The following CSMD3 variants were observed in gnomAD, a reference collection of about 807,000 sequenced individuals.
CSMD3 encodes the protein CUB and Sushi multiple domains 3.
CSMD3 carries 177 observed loss-of-function variants against 435.2 expected under a neutral mutation model. That is an observed-to-expected ratio of 0.41 (90% CI 0.36 to 0.46). The LOEUF is 0.46. Among genes scored for constraint, CSMD3 ranks in the 20% least tolerant of loss-of-function variants. The pLI is 0.34. For synonymous variants in CSMD3, 1,656 were observed against 1,520.5 expected (o/e 1.09, Z -2.07); for missense variants, 4,265 against 4,504.6 (o/e 0.95, Z 1.52).
rs573982431 is a variant in CSMD3, at chr8:113,354,927, C to A, written c.179-40134G>T. On this transcript the variant is annotated intron_variant, in intron 1 of 70. Transcript: ENST00000297405. Reference sequence around the variant, plus strand: ...ATGCTGGGATTACAGGCATGAGCCACCACGCCCAACCAACAGAGACAAATG... The same window carrying A: ...ATGCTGGGATTACAGGCATGAGCCAACACGCCCAACCAACAGAGACAAATG... Among the ~76,000 whole-genome samples, 3 of 152,292 alleles carry A rather than the reference C, an allele frequency of 2.0e-5. No homozygotes were observed. The South Asian group carries it at 6.2e-4, about 32-fold the overall frequency.
chr8:113,158,866 T>C (rs2091984654), intron 4 of CSMD3, among the ~76,000 whole-genome samples: 1 of 152,032 alleles, frequency 6.6e-6, no homozygotes, highest in Non-Finnish European at 1.5e-5. Context: ...AGTAGCAATC[T>C]TTCTTTTGCA....
intron 32 of CSMD3, among the ~76,000 whole-genome samples, chr8:112,448,318 T>TC (rs776436517): frequency 6.6e-6 from 1 of 152,070 alleles, no homozygotes; most frequent in Non-Finnish European, 1.5e-5. Context: ...AAAGGCCCTA[T>TC]CCCCCAGTTC....
chr8:112,349,231 T>G (rs1825930441), intron 40 of CSMD3, among the ~76,000 whole-genome samples: 1 of 152,072 alleles, frequency 6.6e-6, no homozygotes, highest in African/African-American at 2.4e-5. Context: ...ATTGCACAAA[T>G]TAGACAATGC....
At chr8:113,128,921 A>G (rs1461553810) in intron 4 of CSMD3, among the ~76,000 whole-genome samples, 1 of 152,140 alleles carries the variant, frequency 6.6e-6, no homozygotes, top group African/African-American at 2.4e-5. Flanking sequence ...GTAGTATGAT[A>G]CTTTATCAAA....
chr8:112,526,780 A>G (rs1383580581), intron 27 of CSMD3, among the ~76,000 whole-genome samples: 1 of 151,958 alleles, frequency 6.6e-6, no homozygotes, highest in Non-Finnish European at 1.5e-5. Flanking sequence ...GATGTTTATA[A>G]CATATGTAAA....
intron 3 of CSMD3, among the ~76,000 whole-genome samples, chr8:113,179,966 T>G (rs1486006898): frequency 6.6e-6 from 1 of 151,686 alleles, no homozygotes; most frequent in Non-Finnish European, 1.5e-5. Context: ...ACCTTGAAAA[T>G]GGGAATGAAA....
intron 22 of CSMD3, among the ~76,000 whole-genome samples, chr8:112,617,342 C>T (rs1030924804): frequency 1.5e-4 from 23 of 152,298 alleles, no homozygotes; most frequent in Middle Eastern, 3.4e-3. Flanking sequence ...GTAAAACATG[C>T]ATACTTCTGG....
At position 112,587,068 on chromosome 8, in the gene CSMD3, T is replaced by A; in HGVS notation, c.3883A>T (p.Lys1295Ter). The A allele has an allele frequency of 2.5e-6, 4 of 1,609,168 alleles. No homozygotes were observed. Among genetic ancestry groups the A allele is most frequent in the Non-Finnish European group, 3.4e-6 (4 of 1,176,500 alleles). Residue 1295 changes from lysine (K) to a stop codon, truncating the protein, a stop_gained and splice_region_variant, in exon 23 of 71, where the codon AAG becomes TAG. Coordinates refer to ENST00000297405, the MANE Select transcript of CSMD3 (RefSeq NM_198123.2). LOFTEE classifies it high-confidence loss of function. ...TFHLAQGDVL[K>*]IYDGKDKTTH... ...CAAGTATGTCTGAGTTCACCTACCT[T>A]AAGAACATCTCCTTGTGCTAAATGA...
chr8:112,592,953 T>C (rs1586754453), intron 22 of CSMD3, among the ~76,000 whole-genome samples: 1 of 152,014 alleles, frequency 6.6e-6, no homozygotes, highest in African/African-American at 2.4e-5. Flanking sequence ...AATGAAGAAG[T>C]AGTATATTTT....
chr8:112,329,945 T>G (rs1018284358), intron 45 of CSMD3, among the ~76,000 whole-genome samples: 1 of 151,862 alleles, frequency 6.6e-6, no homozygotes, highest in Non-Finnish European at 1.5e-5. Context: ...CACACATACA[T>G]ACACACACAT....
intron 60 of CSMD3, among the ~76,000 whole-genome samples, chr8:112,264,789 A>G (rs1392353412): frequency 6.6e-6 from 1 of 152,166 alleles, no homozygotes; most frequent in Non-Finnish European, 1.5e-5. Context: ...TCTAATTATT[A>G]TAAAACAATT....
chr8:113,063,318 T>G (rs1426292050), intron 5 of CSMD3, among the ~76,000 whole-genome samples: 1 of 151,918 alleles, frequency 6.6e-6, no homozygotes, highest in Non-Finnish European at 1.5e-5. Context: ...TAACTAATAT[T>G]GTCATTGCTG....
intron 22 of CSMD3, among the ~76,000 whole-genome samples, chr8:112,627,383 T>C (rs2131542988): frequency 6.6e-6 from 1 of 152,276 alleles, no homozygotes; most frequent in African/African-American, 2.4e-5. Flanking sequence ...CAAGTTTTTC[T>C]GGCACTTTCG....
At chr8:112,742,772 C>T (rs991209970) in intron 13 of CSMD3, among the ~76,000 whole-genome samples, 5 of 151,822 alleles carry the variant, frequency 3.3e-5, no homozygotes, top group Non-Finnish European at 7.4e-5. Flanking sequence ...TACCATATAT[C>T]CTCTTTTTTG....
chr8:112,543,653 A>G (rs750086868), intron 27 of CSMD3, among the ~76,000 whole-genome samples: 10 of 152,198 alleles, frequency 6.6e-5, no homozygotes, highest in South Asian at 4.1e-4. Flanking sequence ...GCCAGCCACT[A>G]TGGAAAATAT....
chr8:113,138,825 G>GTGTGTGTGTC (rs2091479655), intron 4 of CSMD3, among the ~76,000 whole-genome samples: 2 of 150,886 alleles, frequency 1.3e-5, no homozygotes, highest in African/African-American at 4.8e-5. Flanking sequence ...GTGTGTGTGT[G>GTGTGTGTGTC]TGTGTGTGTG....
At chr8:113,331,548 A>G (rs540584384) in intron 1 of CSMD3, among the ~76,000 whole-genome samples, 1 of 151,894 alleles carries the variant, frequency 6.6e-6, no homozygotes, top group East Asian at 1.9e-4. Context: ...ATACTAGAAA[A>G]GTGAATTCAG....
At chr8:112,380,091 T>C (rs1192081511) in intron 38 of CSMD3, among the ~76,000 whole-genome samples, 1 of 152,202 alleles carries the variant, frequency 6.6e-6, no homozygotes, top group Non-Finnish European at 1.5e-5. Flanking sequence ...TATTGCACAC[T>C]TAAACATTTG....
chr8:112,626,105 C>T (rs1015890370), intron 22 of CSMD3, among the ~76,000 whole-genome samples: 1 of 151,772 alleles, frequency 6.6e-6, no homozygotes, highest in Non-Finnish European at 1.5e-5. Context: ...GAGGTAAAGA[C>T]AAAATATCAA....
Sources: allele counts gnomAD v4.1 joint callset (sites outside exome capture counted in the v4.1 genomes callset), GRCh38; gene constraint gnomAD v4.1.1; transcripts MANE v1.5; gene names NCBI Gene and HGNC (gene_info 2026-07-23, HGNC 2026-07-21).